TBC1D14: variants seen among roughly 807,000 people sequenced by gnomAD.
TBC1D14 encodes the protein TBC1 domain family, member 14.
A neutral mutation model predicts 79.0 loss-of-function variants in TBC1D14; 26 were observed. The observed-to-expected ratio is 0.33, with a 90% confidence interval of 0.24 to 0.46. The LOEUF (loss-of-function observed/expected upper bound fraction) is 0.46, where lower values mean the gene tolerates loss of function less well. Ranked by LOEUF, TBC1D14 falls within the 20% of genes least tolerant of loss-of-function variation. The pLI is 1.00. For missense variants in TBC1D14, 769 were observed against 887.6 expected, an observed-to-expected ratio of 0.87 and a Z score of 1.70; for synonymous variants, 394 against 349.9, an observed-to-expected ratio of 1.13 and a Z score of -1.40.
At chr4:6,969,135 T>C (rs1280160388) in intron 3 of TBC1D14, among the ~76,000 whole-genome samples, 1 of 152,194 alleles carries the variant, frequency 6.6e-6, no homozygotes, top group African/African-American at 2.4e-5. Context: ...AGTAAATCAG[T>C]GTTGGAATTC....
At chr4:6,954,354 C>G in intron 2 of TBC1D14, 1 of 715,192 alleles carries the variant, frequency 1.4e-6, no homozygotes, top group Non-Finnish European at 2.6e-6. Flanking sequence ...TGGCTGCTTT[C>G]TTGCCTTTCT....
At chr4:6,998,358 T>TAAA (rs538598541) in intron 5 of TBC1D14, among the ~76,000 whole-genome samples, 1 of 117,650 alleles carries the variant, frequency 8.5e-6, no homozygotes, top group Admixed American at 8.8e-5. Flanking sequence ...AAACTCCGTC[T>TAAA]AAAAAAAAAA....
At chr4:6,910,052 C>T (rs947335355) in intron 1 of TBC1D14, 101 bp downstream of exon 1, 1 of 147,920 alleles carries the variant, frequency 6.8e-6, no homozygotes, top group South Asian at 2.1e-4. Flanking sequence ...CGGGGAGCGG[C>T]CGGGGCGAGG....
At chr4:6,927,693 C>T (rs959629560) in intron 2 of TBC1D14, among the ~76,000 whole-genome samples, 1 of 152,142 alleles carries the variant, frequency 6.6e-6, no homozygotes, top group Non-Finnish European at 1.5e-5. Flanking sequence ...GGATGCCTTA[C>T]AGCTTCCCTG....
chr4:6,926,831 C>T (rs929715249), intron 2 of TBC1D14, among the ~76,000 whole-genome samples: 1 of 152,238 alleles, frequency 6.6e-6, no homozygotes. Flanking sequence ...CATCGTGAGT[C>T]TTTGCTGAGG....
intron 2 of TBC1D14, among the ~76,000 whole-genome samples, chr4:6,947,787 A>C (rs1328008748): frequency 6.6e-6 from 1 of 152,166 alleles, no homozygotes; most frequent in Non-Finnish European, 1.5e-5. Context: ...TTCAGGGAGA[A>C]CACTAGATCT....
At chr4:6,929,979 C>A (rs1325491747) in intron 2 of TBC1D14, among the ~76,000 whole-genome samples, 1 of 152,150 alleles carries the variant, frequency 6.6e-6, no homozygotes, top group African/African-American at 2.4e-5. Context: ...CATGCTGTTT[C>A]TAAAAAAGAC....
At chr4:6,947,497 C>CAA (rs35832243) in intron 2 of TBC1D14, among the ~76,000 whole-genome samples, 2 of 139,850 alleles carry the variant, frequency 1.4e-5, no homozygotes, top group Admixed American at 7.1e-5. Flanking sequence ...GACCCTGTCT[C>CAA]AAAAAAAAAA....
At chr4:7,026,376 G>A (rs896037882) in intron 13 of TBC1D14, among the ~76,000 whole-genome samples, 1 of 152,036 alleles carries the variant, frequency 6.6e-6, no homozygotes, top group Non-Finnish European at 1.5e-5. Flanking sequence ...CTCTTTTAAC[G>A]TAACTGCAAT....
chr4:7,012,524 G>A (rs574845565), intron 11 of TBC1D14, among the ~76,000 whole-genome samples: 8 of 152,336 alleles, frequency 5.3e-5, no homozygotes, highest in African/African-American at 1.9e-4. Context: ...AATTGTAAAT[G>A]TGAGAATAGC....
chr4:6,987,685 C>G (rs1577126613), intron 3 of TBC1D14: 1 of 305,396 alleles, frequency 3.3e-6, no homozygotes, highest in Non-Finnish European at 6.0e-6. Flanking sequence ...AGAGCCGGGC[C>G]AGGCCCAGCA....
chr4:6,960,078 C>T (rs62289164), intron 2 of TBC1D14, among the ~76,000 whole-genome samples: 2 of 114,578 alleles, frequency 1.7e-5, no homozygotes, highest in Admixed American at 9.5e-5. Flanking sequence ...CTACCCTGTG[C>T]CCCTTTTTTT....
At chr4:6,987,099 C>T (rs1487086435) in intron 3 of TBC1D14, 1 of 1,132,596 alleles carries the variant, frequency 8.8e-7, no homozygotes, top group South Asian at 4.5e-5. Flanking sequence ...TGTGCCCGCC[C>T]CTCGCCGCTC....
intron 3 of TBC1D14, among the ~76,000 whole-genome samples, chr4:6,985,271 A>C (rs1350899907): frequency 6.6e-6 from 1 of 152,178 alleles, no homozygotes; most frequent in Non-Finnish European, 1.5e-5. Flanking sequence ...AGCATGTTCT[A>C]ATTTCCTCAG....
chr4:6,935,891 A>G (rs1712273596), intron 2 of TBC1D14, among the ~76,000 whole-genome samples: 1 of 151,968 alleles, frequency 6.6e-6, no homozygotes, highest in South Asian at 2.1e-4. Flanking sequence ...TGATTCACCC[A>G]CCTCGGCCTC....
At chr4:7,022,751 T>C (rs1246559347) in intron 12 of TBC1D14, among the ~76,000 whole-genome samples, 1 of 152,106 alleles carries the variant, frequency 6.6e-6, no homozygotes, top group Non-Finnish European at 1.5e-5. Context: ...CAGTGGTGAC[T>C]TAATTTTATA....
intron 2 of TBC1D14, among the ~76,000 whole-genome samples, chr4:6,944,687 T>G (rs1307050990): frequency 2.6e-5 from 4 of 152,170 alleles, no homozygotes; most frequent in African/African-American, 9.7e-5. Flanking sequence ...CGTAGGAAAA[T>G]TAGTCCTCCC....
chr4:6,920,945 ATT>A (rs1484302350), intron 1 of TBC1D14, among the ~76,000 whole-genome samples: 1 of 152,020 alleles, frequency 6.6e-6, no homozygotes, highest in African/African-American at 2.4e-5. Context: ...CGTGCAGCTA[ATT>A]TTTTGTATTT....
chr4:7,001,009 C>G (rs947096643), intron 6 of TBC1D14, 136 bp from the exon 7 acceptor site: 2 of 685,350 alleles, frequency 2.9e-6, no homozygotes, highest in Non-Finnish European at 5.1e-6. Flanking sequence ...GCCCTGGACT[C>G]TAAGCTTCCT....
Sources: gnomAD v4.1 joint callset for allele counts (sites outside exome capture counted in the v4.1 genomes callset) on GRCh38, gnomAD v4.1.1 for gene constraint, MANE v1.5 for transcripts, NCBI Gene and HGNC (gene_info 2026-07-23, HGNC 2026-07-21) for gene names.